PCDHA9: variants seen among roughly 807,000 people sequenced by gnomAD.
PCDHA9 encodes the protein protocadherin alpha 9, also known as protocadherin alpha-9.
In PCDHA9, 62 loss-of-function variants were observed where a neutral mutation model predicts 62.0. That is an observed-to-expected ratio of 1.00 (90% CI 0.81 to 1.23). PCDHA9 has a LOEUF of 1.23. PCDHA9 is among the 50% of genes most tolerant of loss of function. PCDHA9 has a pLI of 0.00. For synonymous variants in PCDHA9, 557 were observed against 567.6 expected, an observed-to-expected ratio of 0.98 and a Z score of 0.27; for missense variants, 1,205 against 1,249.8, an observed-to-expected ratio of 0.96 and a Z score of 0.54.
intron 1 of PCDHA9, chr5:140,969,531 A>G: frequency 7.4e-7 from 1 of 1,356,026 alleles, no homozygotes; most frequent in South Asian, 1.6e-5. Context: ...TTTATTTTTC[A>G]TTTTCAGAGG....
chr5:140,927,609 C>T (rs1285751413), intron 1 of PCDHA9: 1 of 1,614,076 alleles, frequency 6.2e-7, no homozygotes, highest in Admixed American at 1.7e-5. Flanking sequence ...CCGTATACCG[C>T]ACCAAGGTTC....
At chr5:140,856,026 T>C in intron 1 of PCDHA9, 1 of 1,559,058 alleles carries the variant, frequency 6.4e-7, no homozygotes, top group Non-Finnish European at 8.7e-7. Context: ...ATTCGTCGAT[T>C]TGTAAAACAA....
intron 1 of PCDHA9, among the ~76,000 whole-genome samples, chr5:140,895,413 C>G (rs141941836): frequency 6.6e-6 from 1 of 152,122 alleles, no homozygotes; most frequent in Non-Finnish European, 1.5e-5. Flanking sequence ...GCCCCATAAC[C>G]TTCTTTTGCT....
intron 3 of PCDHA9, among the ~76,000 whole-genome samples, chr5:141,003,916 A>C (rs1176586597): frequency 3.9e-5 from 6 of 152,150 alleles, no homozygotes; most frequent in African/African-American, 1.4e-4. Context: ...TCTTGACTGC[A>C]TCCTCAGTCT....
chr5:140,875,498 C>G lies in PCDHA9; in HGVS notation c.2394+24609C>G. 1.9e-6 allele frequency: 3 copies of G among 1,613,292 alleles called. No homozygotes were observed. Among genetic ancestry groups the G allele is most frequent in the Non-Finnish European group, 1.7e-6 (2 of 1,179,476 alleles). ...ATGGTGATTATCGGACCAAGAGGCCCGGGATCCCAGCGTCTGCTGCTCTCG... is the reference window on the plus strand; with the variant it reads ...ATGGTGATTATCGGACCAAGAGGCCGGGGATCCCAGCGTCTGCTGCTCTCG... On this transcript the variant is annotated intron_variant, in intron 1 of 3. Transcript: ENST00000532602.
At chr5:141,005,650 C>T (rs1262025643) in intron 3 of PCDHA9, among the ~76,000 whole-genome samples, 4 of 126,784 alleles carry the variant, frequency 3.2e-5, no homozygotes, top group African/African-American at 9.3e-5. Context: ...TGCAGTGAGT[C>T]GAGATCGCGC....
intron 1 of PCDHA9, among the ~76,000 whole-genome samples, chr5:140,941,542 C>T (rs782270560): frequency 4.0e-5 from 6 of 151,842 alleles, no homozygotes; most frequent in Non-Finnish European, 7.4e-5. Context: ...GTCTTGAACT[C>T]CTGACCTCGT....
At chr5:141,001,822 TGACAGAGAGGGA>T (rs541215764) in intron 3 of PCDHA9, among the ~76,000 whole-genome samples, 203 of 152,310 alleles carry the variant, frequency 1.3e-3, no homozygotes, top group African/African-American at 4.5e-3. Context: ...GGCCAAATTC[TGACAGAGAGGGA>T]GACAGAGAGA....
At chr5:140,967,072 C>T in intron 1 of PCDHA9, 1 of 1,613,106 alleles carries the variant, frequency 6.2e-7, no homozygotes, top group Non-Finnish European at 8.5e-7. Flanking sequence ...TCTTCGTCAA[C>T]GAGCGCATTG....
At chr5:140,867,855 G>A (rs1340065029) in intron 1 of PCDHA9, 1 of 152,094 alleles carries the variant, frequency 6.6e-6, no homozygotes, top group South Asian at 2.1e-4. Context: ...TAGTTGAATT[G>A]TTTGATTAAT....
In PCDHA9 at chr5:140,848,637, A is replaced by G; in HGVS notation, c.142A>G (p.Ile48Val). ...EAEHGTFVGRIAQDLGLELAE... is the reference protein window; with the variant it reads ...EAEHGTFVGRVAQDLGLELAE... Reference sequence around the variant, plus strand: ...CGAACACGGCACCTTCGTGGGCCGCATCGCGCAGGACCTGGGGCTGGAGCT... The same window carrying G: ...CGAACACGGCACCTTCGTGGGCCGCGTCGCGCAGGACCTGGGGCTGGAGCT... Residue 48 changes from isoleucine (I) to valine (V), a missense_variant, in exon 1 of 4, where the codon ATC becomes GTC. By Grantham distance (29) the Ile-to-Val change is conservative (BLOSUM62 3). Around this residue, in one of 3 missense-constraint regions of PCDHA9, gnomAD observed 208 missense variants for 213.2 expected, o/e 0.98. Coordinates refer to ENST00000532602, the MANE Select transcript of PCDHA9 (RefSeq NM_031857.2). 1 of 1,593,240 alleles carries G rather than the reference A, an allele frequency of 6.3e-7. No homozygotes were observed. Among genetic ancestry groups the G allele is most frequent in the Non-Finnish European group, 8.6e-7 (1 of 1,163,892 alleles).
chr5:140,890,499 TTA>T (rs1320014650), intron 1 of PCDHA9, among the ~76,000 whole-genome samples: 1 of 152,222 alleles, frequency 6.6e-6, no homozygotes, highest in Non-Finnish European at 1.5e-5. Flanking sequence ...CTCACCATTT[TTA>T]TGTCTCTATT....
At chr5:141,006,406 G>A (rs553100919) in intron 3 of PCDHA9, among the ~76,000 whole-genome samples, 1 of 152,050 alleles carries the variant, frequency 6.6e-6, no homozygotes, top group East Asian at 1.9e-4. Context: ...GTAGAGACGC[G>A]GTTTCACTGT....
At position 140,932,324 on chromosome 5, in the gene PCDHA9, A is replaced by C. The variant is rs188019504; in HGVS notation, c.2395-46625A>C. On this transcript the variant is annotated intron_variant, in intron 1 of 3. Coordinates refer to ENST00000532602, the MANE Select transcript of PCDHA9 (RefSeq NM_031857.2). Reference sequence around the variant, plus strand: ...AAAGGTATAAATATATTAATGTAGCAAAAATGCATGAAACACTTACCATAC... The same window carrying C: ...AAAGGTATAAATATATTAATGTAGCCAAAATGCATGAAACACTTACCATAC... Among the ~76,000 whole-genome samples the C allele has an allele frequency of 5.8e-3, 886 of 152,084 alleles. 7 individuals are homozygous for C. The highest frequency in any genetic ancestry group is 0.021 in the African/African-American group (858 of 41,564).
intron 2 of PCDHA9, among the ~76,000 whole-genome samples, chr5:140,979,343 AATT>A (rs1482354475): frequency 8.6e-5 from 13 of 152,024 alleles, no homozygotes; most frequent in African/African-American, 3.1e-4. Flanking sequence ...TAAAAACTGT[AATT>A]AATACTCATG....
chr5:140,875,744 A>G, intron 1 of PCDHA9: 2 of 1,614,206 alleles, frequency 1.2e-6, no homozygotes, highest in Non-Finnish European at 1.7e-6. Flanking sequence ...TCTCGGATCG[A>G]CCGCGAGAAG....
intron 3 of PCDHA9, among the ~76,000 whole-genome samples, chr5:140,986,380 G>T (rs1554247980): frequency 6.6e-6 from 1 of 152,130 alleles, no homozygotes; most frequent in African/African-American, 2.4e-5. Flanking sequence ...TGGGGGGAGG[G>T]ACATTAAAGG....
chr5:140,935,828 A>G (rs1365293166), intron 1 of PCDHA9, among the ~76,000 whole-genome samples: 1 of 152,004 alleles, frequency 6.6e-6, no homozygotes, highest in Non-Finnish European at 1.5e-5. Context: ...GTATTTACAC[A>G]TATTCCATAC....
chr5:140,912,322 G>A (rs1050946341), intron 1 of PCDHA9, among the ~76,000 whole-genome samples: 10 of 149,938 alleles, frequency 6.7e-5, no homozygotes, highest in African/African-American at 1.7e-4. Flanking sequence ...TTGACCCTCA[G>A]TATTAACCAG....
Sources: allele counts gnomAD v4.1 joint callset (sites outside exome capture counted in the v4.1 genomes callset), GRCh38; gene constraint gnomAD v4.1.1; regional missense constraint gnomAD v4.1.1; transcripts MANE v1.5; gene names NCBI Gene and HGNC (gene_info 2026-07-23, HGNC 2026-07-21).